Variants in SNAP47 observed in about 807,000 individuals in gnomAD.
The protein encoded by SNAP47 is synaptosome associated protein 47.
In SNAP47, 20 loss-of-function variants were observed where a neutral mutation model predicts 31.4. That is an observed-to-expected ratio of 0.64 (90% confidence interval 0.45 to 0.93). The LOEUF is 0.93. Among genes scored for constraint, SNAP47 ranks in the 40% least tolerant of loss-of-function variants. The probability of loss-of-function intolerance (pLI) is 0.00; values close to 1 mark genes in which losing one functional copy is unlikely to be tolerated. For missense variants in SNAP47, 492 were observed against 528.5 expected (o/e 0.93, Z 0.68); for synonymous variants, 194 against 213.4 (o/e 0.91, Z 0.79).
chr1:227,770,089 G>T (rs910168824), intron 4 of SNAP47, among the ~76,000 whole-genome samples: 1 of 152,208 alleles, frequency 6.6e-6, no homozygotes, highest in South Asian at 2.1e-4. Flanking sequence ...TGCCATGGCC[G>T]GTCCCTGTGG....
At chr1:227,756,957 C>A (rs1490603764) in intron 2 of SNAP47, among the ~76,000 whole-genome samples, 1 of 152,224 alleles carries the variant, frequency 6.6e-6, no homozygotes, top group Non-Finnish European at 1.5e-5. Flanking sequence ...GCAGGTTGTT[C>A]ACCTCGATCT....
At chr1:227,768,192 G>C (rs1041868262) in intron 4 of SNAP47, 4 of 768,476 alleles carry the variant, frequency 5.2e-6, no homozygotes, top group African/African-American at 3.8e-5. Context: ...TGTCCCACAG[G>C]GTATGTGGCG....
intron 1 of SNAP47, among the ~76,000 whole-genome samples, chr1:227,743,156 G>GAGAT (rs201973063): frequency 0.021 from 3,241 of 152,248 alleles, 126 homozygotes; most frequent in African/African-American, 0.073. Flanking sequence ...AAGGTGCAGT[G>GAGAT]AGATACCTGC....
intron 1 of SNAP47, among the ~76,000 whole-genome samples, chr1:227,729,470 A>T (rs1007647798): frequency 2.0e-5 from 3 of 152,150 alleles, no homozygotes; most frequent in Non-Finnish European, 4.4e-5. Context: ...AACCACCCAC[A>T]GTGGTGGATG....
At chr1:227,773,790 G>T (rs1663986780) in intron 4 of SNAP47, among the ~76,000 whole-genome samples, 1 of 152,196 alleles carries the variant, frequency 6.6e-6, no homozygotes, top group Non-Finnish European at 1.5e-5. Context: ...TACACAGCCG[G>T]CCACCACAGG....
upstream of SNAP47, chr1:227,733,821 G>A (rs1660849159): frequency 6.3e-7 from 1 of 1,590,858 alleles, no homozygotes; most frequent in Admixed American, 1.7e-5. Context: ...CCTGTGCCAA[G>A]CAGCCCCCCT....
At position 227,762,312 on chromosome 1, in the gene SNAP47, T is replaced by C. The variant is rs1663112105; in HGVS notation, c.988+2827T>C. Among the ~76,000 whole-genome samples the C allele has an allele frequency of 6.6e-6, 1 of 152,214 alleles. No homozygotes were observed. Among genetic ancestry groups the C allele is most frequent in the Non-Finnish European group, 1.5e-5 (1 of 68,040 alleles). ...CTCCAGAGGGTGTTCTTGAAGAGGC[T>C]CCATGCAGGGGTTGGAGCGTGTGGT... is the stretch of plus-strand genomic sequence containing the variant. On this transcript the variant is annotated intron_variant, in intron 3 of 4. Coordinates refer to ENST00000617596, the MANE Select transcript of SNAP47 (RefSeq NM_053052.4). The surrounding 1 kb of genome is among the most constrained non-coding windows in gnomAD (Gnocchi z 4.2).
upstream of SNAP47, chr1:227,733,174 G>A (rs992505650): frequency 9.0e-6 from 9 of 995,920 alleles, no homozygotes; most frequent in South Asian, 1.4e-4. Context: ...TTGCTCAGCA[G>A]GGAAGTGGGT....
chr1:227,733,166 G>T, upstream of SNAP47: 4 of 1,027,340 alleles, frequency 3.9e-6, no homozygotes, highest in South Asian at 4.7e-5. Flanking sequence ...AGCAGGGCTT[G>T]CTCAGCAGGG....
At chr1:227,732,929 C>T (rs780223097), upstream of SNAP47, 4 of 1,612,980 alleles carry the variant, frequency 2.5e-6, no homozygotes, top group African/African-American at 5.3e-5. Flanking sequence ...ACTCGCTGAC[C>T]TCCTCCTGCA....
chr1:227,739,423 A>G (rs1661445327), intron 1 of SNAP47, among the ~76,000 whole-genome samples: 1 of 152,128 alleles, frequency 6.6e-6, no homozygotes, highest in Non-Finnish European at 1.5e-5. Context: ...AGCCCCAGTG[A>G]GGGTGTCTGC....
At chr1:227,779,230 C>T (rs977422891) in intron 4 of SNAP47, among the ~76,000 whole-genome samples, 1 of 152,236 alleles carries the variant, frequency 6.6e-6, no homozygotes, top group African/African-American at 2.4e-5. Context: ...TACTGTTTCT[C>T]ATGGGTCAGA....
In SNAP47 at chr1:227,742,542, G is replaced by A. The variant is rs189780415; in HGVS notation, c.-45-5150G>A. Among the ~76,000 whole-genome samples the A allele has an allele frequency of 2.6e-4, 39 of 152,316 alleles. 1 individual carries two copies. The highest frequency in any genetic ancestry group is 9.4e-4 in the African/African-American group (39 of 41,562). On this transcript the variant is annotated intron_variant, in intron 1 of 4. Transcript: ENST00000617596. ...CAACACCAGTAACAGGACTTCTCCG[G>A]GGAGGTTGTGCATAATTTCCCTCCA...
rs945741577 is a variant in SNAP47 at position 227,763,002 on chromosome 1, G to C, written c.988+3517G>C. 6.6e-6 allele frequency among the ~76,000 whole-genome samples: 1 copy of C among 152,056 alleles called. No homozygotes were observed. The highest frequency in any genetic ancestry group is 1.5e-5 in the Non-Finnish European group (1 of 68,000). On this transcript the variant is annotated intron_variant, in intron 3 of 4. Coordinates refer to ENST00000617596, the MANE Select transcript of SNAP47 (RefSeq NM_053052.4). This position sits in a 1 kb window ranked among gnomAD's most constrained non-coding sequence, Gnocchi z 4.2. The stretch of plus-strand genomic sequence containing the variant: ...GACAGGGCCTTGCCCTGTCATCCAG[G>C]CTGGAGTGCAGAGGTGCAATCATAG...
In SNAP47 at chr1:227,762,460, C is replaced by T. The variant is rs536985370; in HGVS notation, c.988+2975C>T. Among the ~76,000 whole-genome samples, 4 of 152,342 alleles carry T rather than the reference C, an allele frequency of 2.6e-5. No homozygotes were observed. Among genetic ancestry groups the T allele is most frequent in the South Asian group, 2.1e-4 (1 of 4,828 alleles). On this transcript the variant is annotated intron_variant, in intron 3 of 4. Coordinates refer to ENST00000617596, the MANE Select transcript of SNAP47 (RefSeq NM_053052.4). The surrounding 1 kb of genome is among the most constrained non-coding windows in gnomAD (Gnocchi z 4.2). ...CTGCCGCCTGCTGCTGTTGTCCATG[C>T]GTAGGCACAGGGACTCTGTGCCAGC...
In SNAP47 at chr1:227,747,819, C is replaced by T; in HGVS notation, c.83C>T (p.Ser28Phe). 6.2e-7 allele frequency: 1 copy of T among 1,614,160 alleles called. No individual in the cohort carries two copies. Among genetic ancestry groups the T allele is most frequent in the Non-Finnish European group, 8.5e-7 (1 of 1,180,018 alleles). ...PKRRWVTGQL[S>F]LTSLSLRFMT... ...AGGCGATGGGTTACTGGACAGCTGT[C>T]CTTAACATCGCTGTCGCTCAGGTTC... The change falls in exon 2 of 5, where the codon TCC becomes TTC. Residue 28 changes from serine to phenylalanine, a missense_variant. Physicochemically the swap from Ser to Phe is radical, Grantham distance 155. Transcript: ENST00000617596.
upstream of SNAP47, chr1:227,730,452 G>A (rs974385704): frequency 6.6e-6 from 1 of 150,996 alleles, no homozygotes; most frequent in Non-Finnish European, 1.5e-5. Context: ...AATCTGGAGT[G>A]AGGTATGCAA....
chr1:227,768,435 TC>T, intron 4 of SNAP47: 1 of 546,382 alleles, frequency 1.8e-6, no homozygotes. Flanking sequence ...TCTGCCCATG[TC>T]CACCAGGAGG....
upstream of SNAP47, chr1:227,733,058 G>A (rs759187928): frequency 1.2e-6 from 2 of 1,610,446 alleles, no homozygotes. Flanking sequence ...GCAGGCCTGA[G>A]CCCATGGCAG....
Sources: allele counts gnomAD v4.1 joint callset (sites outside exome capture counted in the v4.1 genomes callset), GRCh38; gene constraint gnomAD v4.1.1; non-coding constraint Gnocchi (gnomAD v3.1); transcripts MANE v1.5; gene names NCBI Gene and HGNC (gene_info 2026-07-23, HGNC 2026-07-21).